Variants in RANBP2 observed in about 807,000 individuals in gnomAD.
RANBP2 encodes E3 SUMO-protein ligase RanBP2.
RANBP2 carries 57 observed loss-of-function variants against 303.6 expected under a neutral mutation model. The observed-to-expected ratio is 0.19, with a 90% CI of 0.15 to 0.23. RANBP2 has a LOEUF of 0.23. Among genes scored for constraint, RANBP2 ranks in the 10% least tolerant of loss-of-function variants. RANBP2 has a pLI of 1.00. For synonymous variants in RANBP2, 1,167 were observed against 1,301.5 expected (o/e 0.90, Z 2.23); for missense variants, 3,138 against 3,780.8 (o/e 0.83, Z 4.46).
chr2:109,592,917 AAATT>A, the RANBP2 span: 1 of 468,530 alleles, frequency 2.1e-6, no homozygotes, highest in Non-Finnish European at 3.7e-6. Flanking sequence ...ATCAACAGAA[AAATT>A]AATTCACGTT....
the RANBP2 span, among the ~76,000 whole-genome samples, chr2:109,403,592 A>G: frequency 3.3e-5 from 5 of 152,238 alleles, no homozygotes; most frequent in Admixed American, 3.3e-4. Flanking sequence ...ACGCAGGAGA[A>G]TGCCAGCAGG....
chr2:109,287,594 A>G, the RANBP2 span, among the ~76,000 whole-genome samples: 1 of 152,084 alleles, frequency 6.6e-6, no homozygotes, highest in Non-Finnish European at 1.5e-5. Context: ...TCTGCACTAT[A>G]TACCCAGGCG....
chr2:108,812,915 A>G, the RANBP2 span: 17 of 1,613,436 alleles, frequency 1.1e-5, no homozygotes, highest in Non-Finnish European at 1.4e-5. Context: ...CACCAGTTTC[A>G]AAAACTTACA....
chr2:108,834,407 G>T, the RANBP2 span, among the ~76,000 whole-genome samples: 145 of 151,906 alleles, frequency 9.5e-4, no homozygotes, highest in African/African-American at 3.3e-3. Flanking sequence ...ACAGATGGGG[G>T]TTTCACCATG....
the RANBP2 span, among the ~76,000 whole-genome samples, chr2:108,967,538 G>T: frequency 1.3e-5 from 2 of 152,016 alleles, no homozygotes. Flanking sequence ...CAACAGTCTT[G>T]TGCACAACAA....
At chr2:109,566,159 C>T in the RANBP2 span, among the ~76,000 whole-genome samples, 28 of 151,996 alleles carry the variant, frequency 1.8e-4, no homozygotes, top group East Asian at 4.8e-3. Context: ...CTTACTCTGT[C>T]GCCCAAGCTG....
chr2:108,795,593 A>G, the RANBP2 span, among the ~76,000 whole-genome samples: 2 of 152,196 alleles, frequency 1.3e-5, no homozygotes, highest in East Asian at 1.9e-4. Flanking sequence ...TAAAACCAGT[A>G]TTTCGTTTTG....
the RANBP2 span, among the ~76,000 whole-genome samples, chr2:109,299,395 G>A: frequency 6.7e-6 from 1 of 149,772 alleles, no homozygotes; most frequent in African/African-American, 2.4e-5. Flanking sequence ...GCACATCAGG[G>A]TCCTTGACAC....
chr2:109,180,528 G>A, the RANBP2 span, among the ~76,000 whole-genome samples: 8 of 152,094 alleles, frequency 5.3e-5, no homozygotes, highest in Non-Finnish European at 1.0e-4. Flanking sequence ...TAATTCCCAC[G>A]TGTTGTGGGA....
the RANBP2 span, chr2:109,545,258 T>C: frequency 3.1e-5 from 43 of 1,379,794 alleles, no homozygotes; most frequent in African/African-American, 4.4e-4. Flanking sequence ...AAGAGCCAAA[T>C]AGTTAAACCG....
At chr2:108,813,119 C>T in the RANBP2 span, among the ~76,000 whole-genome samples, 4 of 151,834 alleles carry the variant, frequency 2.6e-5, no homozygotes, top group African/African-American at 9.7e-5. Context: ...CATGGTGGCA[C>T]ACGCCTGTAG....
At chr2:109,530,984 GA>G in the RANBP2 span, among the ~76,000 whole-genome samples, 5 of 152,300 alleles carry the variant, frequency 3.3e-5, no homozygotes, top group African/African-American at 1.2e-4. Context: ...GGGAAAGAGG[GA>G]AAGAGCATCA....
the RANBP2 span, among the ~76,000 whole-genome samples, chr2:109,030,779 G>C: frequency 6.6e-6 from 1 of 152,058 alleles, no homozygotes; most frequent in Non-Finnish European, 1.5e-5. Context: ...TTGTTTTCTA[G>C]GTCTCACTAT....
the RANBP2 span, among the ~76,000 whole-genome samples, chr2:109,353,208 C>T: frequency 2.6e-5 from 4 of 152,348 alleles, no homozygotes; most frequent in South Asian, 2.1e-4. Flanking sequence ...TTCTGGCCCC[C>T]GGCTCATTGC....
At chr2:108,788,018 C>T (rs950314997), downstream of RANBP2, 22 of 1,260,230 alleles carry the variant, frequency 1.7e-5, no homozygotes, top group Admixed American at 7.3e-5. Context: ...TAAATCTTTT[C>T]TTTTTTTTTT....
chr2:109,590,474 C>T, the RANBP2 span, among the ~76,000 whole-genome samples: 1 of 151,764 alleles, frequency 6.6e-6, no homozygotes, highest in African/African-American at 2.4e-5. Flanking sequence ...CTCTGTTGCC[C>T]AGGCTAGAGT....
chr2:109,242,567 A>G, the RANBP2 span, among the ~76,000 whole-genome samples: 3,048 of 152,230 alleles, frequency 0.02, 109 homozygotes, highest in African/African-American at 0.069. Flanking sequence ...TGCACTGACC[A>G]CCGTGCCCCA....
the RANBP2 span, among the ~76,000 whole-genome samples, chr2:109,224,700 T>C: frequency 6.6e-6 from 1 of 152,110 alleles, no homozygotes. Flanking sequence ...TCTACTAAAA[T>C]ACAAAAATTA....
chr2:109,446,648 C>T, the RANBP2 span, among the ~76,000 whole-genome samples: 1 of 152,300 alleles, frequency 6.6e-6, no homozygotes. Flanking sequence ...GGCAGGGGTG[C>T]TGGCACTGTG....
Sources: gnomAD v4.1 joint callset for allele counts (sites outside exome capture counted in the v4.1 genomes callset) on GRCh38, gnomAD v4.1.1 for gene constraint, MANE v1.5 for transcripts, NCBI Gene and HGNC (gene_info 2026-07-23, HGNC 2026-07-21) for gene names.